Variants in CRYL1 observed in about 807,000 individuals in gnomAD.
The protein encoded by CRYL1 is lambda-crystallin homolog.
In CRYL1, 29 loss-of-function variants were observed where a neutral mutation model predicts 36.6. That is an observed-to-expected ratio of 0.79 (90% CI 0.59 to 1.08). CRYL1 has a LOEUF of 1.08. Ranked by LOEUF, CRYL1 falls within the 50% of genes least tolerant of loss-of-function variation. The pLI is 0.00. For missense variants in CRYL1, 411 were observed against 407.9 expected, an observed-to-expected ratio of 1.01 and a Z score of -0.06; for synonymous variants, 152 against 151.5, an observed-to-expected ratio of 1.00 and a Z score of -0.02.
At chr13:20,451,764 C>A (rs1265422322) in intron 3 of CRYL1, among the ~76,000 whole-genome samples, 2 of 152,096 alleles carry the variant, frequency 1.3e-5, no homozygotes, top group African/African-American at 4.8e-5. Context: ...ACAATTTGAC[C>A]CAGCAATCCC....
At chr13:20,459,496 A>C (rs1335628883) in intron 3 of CRYL1, among the ~76,000 whole-genome samples, 1 of 152,232 alleles carries the variant, frequency 6.6e-6, no homozygotes, top group Non-Finnish European at 1.5e-5. Flanking sequence ...TGGTACATAT[A>C]CACCATGGAA....
At chr13:20,488,900 A>G (rs2033452395) in intron 3 of CRYL1, among the ~76,000 whole-genome samples, 1 of 152,226 alleles carries the variant, frequency 6.6e-6, no homozygotes, top group African/African-American at 2.4e-5. Flanking sequence ...AACAACCCTC[A>G]TGAGGATTTC....
intron 6 of CRYL1, among the ~76,000 whole-genome samples, chr13:20,409,251 C>T (rs7988317): frequency 7.0e-5 from 10 of 142,650 alleles, no homozygotes; most frequent in African/African-American, 2.3e-4. Flanking sequence ...CAATGGGGAA[C>T]GGATTCCCTA....
intron 3 of CRYL1, among the ~76,000 whole-genome samples, chr13:20,463,942 A>T (rs1337106534): frequency 6.6e-6 from 1 of 152,164 alleles, no homozygotes; most frequent in Admixed American, 6.5e-5. Flanking sequence ...CCCGAGGGAG[A>T]GCCACTCTAC....
intron 3 of CRYL1, among the ~76,000 whole-genome samples, chr13:20,468,612 T>C (rs2032990591): frequency 6.6e-6 from 1 of 152,166 alleles, no homozygotes; most frequent in African/African-American, 2.4e-5. Context: ...TTTTTGTTTG[T>C]TTGTTTGTTT....
intron 1 of CRYL1, among the ~76,000 whole-genome samples, chr13:20,514,741 A>G (rs1303783335): frequency 6.6e-6 from 1 of 152,240 alleles, no homozygotes; most frequent in African/African-American, 2.4e-5. Context: ...TAAGATGTTA[A>G]TAATAGGGGA....
intron 4 of CRYL1, 62 bp downstream of exon 4, chr13:20,439,524 AAAAAAAG>A: frequency 2.9e-6 from 3 of 1,036,634 alleles, no homozygotes; most frequent in South Asian, 1.8e-5. Context: ...CAAAAAAAAA[AAAAAAAG>A]AAAAAAAAAA....
intron 2 of CRYL1, among the ~76,000 whole-genome samples, chr13:20,508,894 A>G (rs2033861476): frequency 1.5e-5 from 2 of 135,228 alleles, no homozygotes; most frequent in Non-Finnish European, 3.1e-5. Context: ...AAAAACTGAC[A>G]ACAACAACAT....
chr13:20,445,198 T>C (rs1414065023), intron 3 of CRYL1, among the ~76,000 whole-genome samples: 1 of 152,184 alleles, frequency 6.6e-6, no homozygotes, highest in Non-Finnish European at 1.5e-5. Flanking sequence ...ATCCAGGTAG[T>C]GGGGAACCCA....
intron 2 of CRYL1, among the ~76,000 whole-genome samples, chr13:20,495,306 T>G (rs2033586230): frequency 6.6e-6 from 1 of 152,168 alleles, no homozygotes; most frequent in Admixed American, 6.5e-5. Flanking sequence ...ATGTGCCAGT[T>G]CTACCTCTAG....
At chr13:20,451,826 A>G (rs1240505267) in intron 3 of CRYL1, among the ~76,000 whole-genome samples, 2 of 152,218 alleles carry the variant, frequency 1.3e-5, no homozygotes, top group South Asian at 2.1e-4. Context: ...AGACAGATGC[A>G]CTTGCACTTT....
intron 1 of CRYL1, among the ~76,000 whole-genome samples, chr13:20,517,021 C>T (rs1045380381): frequency 2.0e-5 from 3 of 152,048 alleles, no homozygotes; most frequent in Non-Finnish European, 4.4e-5. Context: ...ATGCAGTATG[C>T]AGTGAGCTAC....
At chr13:20,439,941 T>C in intron 3 of CRYL1, 187 bp from the exon 4 acceptor site, 1 of 571,124 alleles carries the variant, frequency 1.8e-6, no homozygotes, top group South Asian at 2.3e-5. Context: ...CCTCTGCCCT[T>C]CTGCTCTCTC....
At chr13:20,507,157 G>T (rs9552217) in intron 2 of CRYL1, among the ~76,000 whole-genome samples, 38,927 of 152,120 alleles carry the variant, frequency 0.26, 6,058 homozygotes, top group Admixed American at 0.36. Context: ...TTCTTAAATT[G>T]TTCAGTCTCA....
At chr13:20,422,902 T>C (rs1445583982) in intron 5 of CRYL1, among the ~76,000 whole-genome samples, 1 of 152,236 alleles carries the variant, frequency 6.6e-6, no homozygotes, top group African/African-American at 2.4e-5. Context: ...ACAATATTAA[T>C]CATTCCAATC....
chr13:20,472,963 C>T (rs1377328881), intron 3 of CRYL1: 2 of 152,210 alleles, frequency 1.3e-5, no homozygotes, highest in Non-Finnish European at 2.9e-5. Flanking sequence ...TTTTTGGACT[C>T]ACTTTTGGGC....
intron 2 of CRYL1, among the ~76,000 whole-genome samples, chr13:20,495,026 A>G (rs1318908598): frequency 6.6e-6 from 1 of 152,240 alleles, no homozygotes; most frequent in Non-Finnish European, 1.5e-5. Flanking sequence ...ATCTGCAGAC[A>G]GACCCCTGTG....
intron 3 of CRYL1, among the ~76,000 whole-genome samples, chr13:20,477,517 T>G (rs1593472686): frequency 6.6e-6 from 1 of 150,654 alleles, no homozygotes; most frequent in Non-Finnish European, 1.5e-5. Flanking sequence ...TACATGGGCG[T>G]CCTGAGGACT....
At chr13:20,508,303 A>AT (rs999450979) in intron 2 of CRYL1, among the ~76,000 whole-genome samples, 7 of 152,170 alleles carry the variant, frequency 4.6e-5, no homozygotes, top group Non-Finnish European at 2.9e-5. Flanking sequence ...AAGGAGAAGC[A>AT]TTTTTTAGCA....
Sources: allele counts gnomAD v4.1 joint callset (sites outside exome capture counted in the v4.1 genomes callset), GRCh38; gene constraint gnomAD v4.1.1; transcripts MANE v1.5; gene names NCBI Gene and HGNC (gene_info 2026-07-23, HGNC 2026-07-21).